FRMPD3: variants seen among roughly 807,000 people sequenced by gnomAD.
FRMPD3 encodes FERM and PDZ domain containing 3.
In FRMPD3, 42 loss-of-function variants were observed where a neutral mutation model predicts 97.9. The observed-to-expected ratio is 0.43, with a 90% confidence interval of 0.34 to 0.55. The LOEUF is 0.55. FRMPD3 is among the 20% of genes least tolerant of loss of function. The probability of loss-of-function intolerance (pLI) is 0.03; values close to 1 mark genes in which losing one functional copy is unlikely to be tolerated. For missense variants in FRMPD3, 1,303 were observed against 1,457.7 expected, an observed-to-expected ratio of 0.89 and a Z score of 1.73; for synonymous variants, 577 against 581.1, an observed-to-expected ratio of 0.99 and a Z score of 0.10.
intron 1 of FRMPD3, among the ~76,000 whole-genome samples, chrX:107,516,404 A>T (rs757979282): frequency 5.4e-5 from 6 of 111,245 alleles, no homozygotes; most frequent in Non-Finnish European, 1.9e-5. Context: ...AATGGGATGG[A>T]TGGGTCAAAT....
At chrX:107,568,756 AAGAC>A (rs1922724435) in intron 12 of FRMPD3, among the ~76,000 whole-genome samples, 2 of 109,940 alleles carry the variant, frequency 1.8e-5, no homozygotes, top group Admixed American at 9.7e-5. Context: ...AAAAAATTAA[AAGAC>A]AGAAAAAAAC....
At chrX:107,489,978 A>C (rs1225055741) in intron 1 of FRMPD3, among the ~76,000 whole-genome samples, 1 of 112,101 alleles carries the variant, frequency 8.9e-6, no homozygotes, top group Non-Finnish European at 1.9e-5. Context: ...TAGGTCTAAC[A>C]TGTAAGTCTT....
At chrX:107,557,945 C>T (rs746685740) in intron 8 of FRMPD3, among the ~76,000 whole-genome samples, 5 of 103,116 alleles carry the variant, frequency 4.8e-5, no homozygotes, top group Non-Finnish European at 7.9e-5. Context: ...TTCTTGAAAT[C>T]AGGAAGTATT....
Position 107,601,793 on chromosome X carries a change from G to A in FRMPD3, c.3754G>A (p.Glu1252Lys), listed in dbSNP as rs1569431730. Residue 1252 changes from glutamate (E) to lysine (K), a missense_variant, in exon 15 of 15, where the codon GAA (glutamate) becomes AAA (lysine). Glu to Lys is a moderately conservative substitution (Grantham distance 56, BLOSUM62 1). This residue lies in a region of FRMPD3 where 764 missense variants were observed against 820.2 expected (regional missense o/e 0.93). Coordinates refer to ENST00000683843, the MANE Select transcript of FRMPD3 (RefSeq NM_001388459.1). Reference sequence around the variant, plus strand: ...GCAGTATGAACTGGAGTTCCTTGAGGAACTTCTAAAGCCACCAAGCCAGGG... The same window carrying A: ...GCAGTATGAACTGGAGTTCCTTGAGAAACTTCTAAAGCCACCAAGCCAGGG... ...VKQYELEFLE[E>K]LLKPPSQGEL... 2 of 1,210,901 alleles carry A rather than the reference G, an allele frequency of 1.7e-6. No individual in the cohort carries two copies. Among genetic ancestry groups the A allele is most frequent in the Non-Finnish European group, 2.2e-6 (2 of 895,382 alleles).
chrX:107,552,584 C>T (rs1921909867), intron 6 of FRMPD3, among the ~76,000 whole-genome samples: 1 of 112,289 alleles, frequency 8.9e-6, no homozygotes, highest in African/African-American at 3.2e-5. Flanking sequence ...CTGCACCTCT[C>T]CCCAGGGCCC....
At chrX:107,515,596 G>A (rs1286640494) in intron 1 of FRMPD3, among the ~76,000 whole-genome samples, 1 of 112,115 alleles carries the variant, frequency 8.9e-6, no homozygotes, top group Non-Finnish European at 1.9e-5. Flanking sequence ...AGACATATGT[G>A]TAGAAAACGT....
At chrX:107,587,600 TC>T (rs910750278) in intron 13 of FRMPD3, among the ~76,000 whole-genome samples, 10 of 111,896 alleles carry the variant, frequency 8.9e-5, no homozygotes, top group East Asian at 8.4e-4. Flanking sequence ...GTTTTTCCTT[TC>T]CAAATTTAGT....
intron 1 of FRMPD3, among the ~76,000 whole-genome samples, chrX:107,499,872 C>G (rs1438359534): frequency 6.3e-5 from 7 of 111,472 alleles, no homozygotes; most frequent in Non-Finnish European, 7.5e-5. Flanking sequence ...TCCCTCCCAA[C>G]TCTGGGCCTG....
chrX:107,530,224 AGCAGCAGCG>A (rs1245763146), intron 2 of FRMPD3, among the ~76,000 whole-genome samples, 176 bp from the exon 3 acceptor site: 11 of 112,113 alleles, frequency 9.8e-5, no homozygotes, highest in African/African-American at 3.6e-4. Flanking sequence ...GCTTATAGGC[AGCAGCAGCG>A]GCAGCAACAG....
intron 4 of FRMPD3, among the ~76,000 whole-genome samples, chrX:107,544,011 G>C (rs1393859570): frequency 9.0e-6 from 1 of 110,756 alleles, no homozygotes; most frequent in Non-Finnish European, 1.9e-5. Flanking sequence ...AGAAAATGTG[G>C]TATAAATACA....
chrX:107,495,612 G>T (rs1254904194), intron 1 of FRMPD3, among the ~76,000 whole-genome samples: 2 of 111,268 alleles, frequency 1.8e-5, no homozygotes, highest in Non-Finnish European at 3.8e-5. Context: ...AGACACATGG[G>T]GCCTTTGAGA....
intron 4 of FRMPD3, among the ~76,000 whole-genome samples, chrX:107,534,226 G>T (rs1462792690): frequency 1.8e-5 from 2 of 112,128 alleles, no homozygotes; most frequent in Admixed American, 1.9e-4. Context: ...AGAAAGTTCA[G>T]TGTCCATTAT....
At chrX:107,481,139 C>A (rs768987486) in intron 1 of FRMPD3, among the ~76,000 whole-genome samples, 1 of 111,686 alleles carries the variant, frequency 9.0e-6, no homozygotes, top group South Asian at 3.9e-4. Context: ...GTCAAAAGGA[C>A]GGACCTGTGA....
intron 1 of FRMPD3, among the ~76,000 whole-genome samples, chrX:107,498,861 G>C (rs753233533): frequency 3.6e-5 from 4 of 111,479 alleles, no homozygotes; most frequent in Admixed American, 9.5e-5. Flanking sequence ...ACAGGTGCAG[G>C]AGGAGTGCAG....
chrX:107,455,625 A>C (rs1931363294), intron 1 of FRMPD3, among the ~76,000 whole-genome samples: 1 of 111,562 alleles, frequency 9.0e-6, no homozygotes, highest in African/African-American at 3.3e-5. Context: ...ATTTTTTTAA[A>C]TCCCCATAGC....
chrX:107,500,932 T>G (rs1189106271), intron 1 of FRMPD3, among the ~76,000 whole-genome samples: 1 of 111,544 alleles, frequency 9.0e-6, no homozygotes, highest in African/African-American at 3.3e-5. Context: ...AGGATGATTA[T>G]TATTCCTAAA....
At position 107,478,907 on chromosome X, in the gene FRMPD3, G is replaced by C. The variant is rs371219673; in HGVS notation, c.-8+28902G>C. On this transcript the variant is annotated intron_variant, in intron 1 of 14. Coordinates refer to ENST00000683843, the MANE Select transcript of FRMPD3 (RefSeq NM_001388459.1). Reference sequence around the variant, plus strand: ...GAATCTGGTTTGGGGTGGGGTGGGGGTAGTGCTAGAGGTGGAGAATGAGGC... The same window carrying C: ...GAATCTGGTTTGGGGTGGGGTGGGGCTAGTGCTAGAGGTGGAGAATGAGGC... Among the ~76,000 whole-genome samples, 15 of 111,471 alleles carry C rather than the reference G, an allele frequency of 1.3e-4. No homozygotes were observed. In the South Asian group the frequency reaches 5.8e-3, roughly 43 times the overall value.
Position 107,479,835 on chromosome X carries a change from T to TACACAC in FRMPD3, c.-8+29856_-8+29861dup, listed in dbSNP as rs72364087. ...TATATTATGTATATTTTACCATGATTACACACACACACACACACACACACA... is the reference window on the plus strand; with the variant it reads ...TATATTATGTATATTTTACCATGATTACACACACACACACACACACACACACACACA... On this transcript the variant is annotated intron_variant, in intron 1 of 14. Coordinates refer to ENST00000683843, the MANE Select transcript of FRMPD3 (RefSeq NM_001388459.1). Among the ~76,000 whole-genome samples the TACACAC allele has an allele frequency of 1.2e-4, 11 of 94,338 alleles. No individual in the cohort carries two copies. The South Asian group carries it at 2.3e-3, about 19-fold the overall frequency. The allele number at this position is 94,338 out of a possible 115,157, so 81.9% of individuals were successfully genotyped here.
intron 1 of FRMPD3, among the ~76,000 whole-genome samples, chrX:107,490,052 A>C (rs933654959): frequency 8.9e-6 from 1 of 112,389 alleles, no homozygotes; most frequent in African/African-American, 3.2e-5. Flanking sequence ...AGCTTTCTAC[A>C]TATGGCCAGC....
Sources: gnomAD v4.1 joint callset for allele counts (sites outside exome capture counted in the v4.1 genomes callset) on GRCh38, gnomAD v4.1.1 for gene constraint, gnomAD v4.1.1 regional missense constraint, MANE v1.5 for transcripts, NCBI Gene and HGNC (gene_info 2026-07-23, HGNC 2026-07-21) for gene names.